ERCC5: variants seen among roughly 807,000 people sequenced by gnomAD.
ERCC5 encodes the protein ERCC excision repair 5, endonuclease.
In ERCC5, 68 loss-of-function variants were observed where a neutral mutation model predicts 105.6. That is an observed-to-expected ratio of 0.64 (90% CI 0.53 to 0.79). The LOEUF (loss-of-function observed/expected upper bound fraction) is 0.79. Ranked by LOEUF, ERCC5 falls within the 30% of genes least tolerant of loss-of-function variation. The probability of loss-of-function intolerance (pLI) is 0.00; values close to 1 mark genes in which losing one functional copy is unlikely to be tolerated. For synonymous variants in ERCC5, 546 were observed against 526.2 expected, an observed-to-expected ratio of 1.04 and a Z score of -0.51; for missense variants, 1,373 against 1,426.7, an observed-to-expected ratio of 0.96 and a Z score of 0.61.
At chr13:102,867,634 G>T (rs1050213833) in intron 11 of ERCC5, among the ~76,000 whole-genome samples, 1 of 152,210 alleles carries the variant, frequency 6.6e-6, no homozygotes, top group African/African-American at 2.4e-5. Flanking sequence ...TGGTGTGCTA[G>T]GGTATGCAGG....
intron 7 of ERCC5, 93 bp downstream of exon 7, chr13:102,861,807 A>C (rs904851178): frequency 6.8e-6 from 10 of 1,478,304 alleles, no homozygotes; most frequent in Non-Finnish European, 7.4e-6. Flanking sequence ...GGATAATATT[A>C]ATGAAATTCT....
At chr13:102,854,498 T>A in intron 4 of ERCC5, 124 bp downstream of exon 4, 2 of 916,060 alleles carry the variant, frequency 2.2e-6, no homozygotes, top group Middle Eastern at 2.9e-4. Flanking sequence ...GAAATAGGCA[T>A]GCTCTATACC....
chr13:102,857,155 T>A (rs2140522066), intron 5 of ERCC5, among the ~76,000 whole-genome samples: 1 of 152,372 alleles, frequency 6.6e-6, no homozygotes, highest in Non-Finnish European at 1.5e-5. Flanking sequence ...TGTTTGTTCA[T>A]ATGGTTTTGT....
At chr13:102,855,412 G>A (rs1190229410) in intron 4 of ERCC5, among the ~76,000 whole-genome samples, 3 of 151,994 alleles carry the variant, frequency 2.0e-5, no homozygotes, top group Non-Finnish European at 4.4e-5. Context: ...ACCACACCTG[G>A]CTAATTTTTT....
chr13:102,866,215 C>G (rs1882830213), intron 9 of ERCC5, 47 bp from the exon 10 acceptor site: 1 of 1,607,404 alleles, frequency 6.2e-7, no homozygotes. Flanking sequence ...AAACAAAACT[C>G]ATTTGGATTA....
intron 11 of ERCC5, 106 bp from the exon 12 acceptor site, chr13:102,868,007 G>T: frequency 9.7e-7 from 1 of 1,035,188 alleles, no homozygotes; most frequent in Non-Finnish European, 1.4e-6. Context: ...TTTGGTGGTT[G>T]GATATAGATA....
chr13:102,861,861 A>T (rs41558017), intron 7 of ERCC5, 147 bp downstream of exon 7: 1 of 1,350,238 alleles, frequency 7.4e-7, no homozygotes, highest in African/African-American at 1.5e-5. Flanking sequence ...ATTAACTACT[A>T]TAGTGCCAAA....
intron 9 of ERCC5, 161 bp downstream of exon 9, chr13:102,866,072 C>A (rs1882823837): frequency 6.7e-7 from 1 of 1,487,444 alleles, no homozygotes; most frequent in East Asian, 2.3e-5. Context: ...CTGGGATAGA[C>A]TCCGTTTTCC....
At chr13:102,863,301 T>G (rs1882717224) in intron 8 of ERCC5, among the ~76,000 whole-genome samples, 198 bp downstream of exon 8, 1 of 152,252 alleles carries the variant, frequency 6.6e-6, no homozygotes, top group East Asian at 1.9e-4. Context: ...CTCTGCTTTT[T>G]GTTATCATTT....
rs1187286901 is a variant in ERCC5, at chr13:102,862,345, A to T, written c.1196A>T (p.Glu399Val). 2.4e-5 allele frequency: 39 copies of T among 1,614,012 alleles called. No homozygotes were observed. The highest frequency in any genetic ancestry group is 3.1e-5 in the Non-Finnish European group (37 of 1,180,032). The change falls in exon 8 of 15, where the codon GAA becomes GTA. Residue 399 changes from glutamate to valine, a missense_variant. Glu to Val is a moderately radical substitution (Grantham distance 121, BLOSUM62 -2). Transcript: ENST00000652225. ...ATTAAGAGAGCTCTTGACGATGACG[A>T]AGATGTAAAAGTGTGTGCTGGGGAT... ...SAIKRALDDDEDVKVCAGDDV... is the reference protein window; with the variant it reads ...SAIKRALDDDVDVKVCAGDDV...
chr13:102,860,825 G>T (rs1231538043), intron 6 of ERCC5, among the ~76,000 whole-genome samples: 2 of 152,088 alleles, frequency 1.3e-5, no homozygotes, highest in African/African-American at 2.4e-5. Context: ...GTGATTTATT[G>T]TGTCTTTTAT....
chr13:102,858,303 T>C lies in ERCC5; in HGVS notation c.557T>C (p.Ile186Thr), dbSNP rs752360259. The C allele has an allele frequency of 1.9e-6, 3 of 1,614,158 alleles. No homozygotes were observed. Among genetic ancestry groups the C allele is most frequent in the African/African-American group, 1.3e-5 (1 of 75,038 alleles). Residue 186 changes from isoleucine (I) to threonine (T), a missense_variant, in exon 6 of 15, where the codon ATA becomes ACA. By Grantham distance (89) the Ile-to-Thr change is moderately conservative. Around this residue, in one of 3 missense-constraint regions of ERCC5, gnomAD observed 1,004 missense variants for 1,059.7 expected, o/e 0.95. Coordinates refer to ENST00000652225, the MANE Select transcript of ERCC5 (RefSeq NM_000123.4). The part of the protein sequence containing the change: ...QEEFFHNPQA[I>T]DIESEDFSSL... ...GAGTTCTTTCATAATCCTCAAGCGATAGATATTGAGTCTGAGGACTTCAGC... is the reference window on the plus strand; with the variant it reads ...GAGTTCTTTCATAATCCTCAAGCGACAGATATTGAGTCTGAGGACTTCAGC...
At chr13:102,875,179 G>C (rs1883169049) in intron 14 of ERCC5, 128 bp from the exon 15 acceptor site, 1 of 1,092,758 alleles carries the variant, frequency 9.2e-7, no homozygotes, top group Admixed American at 2.5e-5. Context: ...GGTTTTGGGA[G>C]ATAATGAATT....
At chr13:102,850,348 T>C (rs1464476417) in intron 1 of ERCC5, among the ~76,000 whole-genome samples, 1 of 152,118 alleles carries the variant, frequency 6.6e-6, no homozygotes, top group Non-Finnish European at 1.5e-5. Flanking sequence ...AGAAACTGTT[T>C]CAGGCAGAGG....
Position 102,856,068 on chromosome 13 carries a change from G to T in ERCC5, c.484G>T (p.Glu162Ter). 1 of 1,613,926 alleles carries T rather than the reference G, an allele frequency of 6.2e-7. No homozygotes were observed. Among genetic ancestry groups the T allele is most frequent in the Non-Finnish European group, 8.5e-7 (1 of 1,179,916 alleles). ...EEKHSSEEED[E>*]KEWQERMNQK... The stretch of plus-strand genomic sequence containing the variant: ...GACTTTCAGTTCAGAAGAGGAAGAT[G>T]AAAAAGAATGGCAAGAAAGAATGAA... The change falls in exon 5 of 15, where the codon GAA becomes TAA. Residue 162 changes from glutamate (E) to a stop codon, truncating the protein, a stop_gained. Transcript: ENST00000652225. LOFTEE classifies it high-confidence loss of function.
Position 102,866,361 on chromosome 13 carries a change from C to A in ERCC5, c.2299C>A (p.Gln767Lys). ...ACGGATCGCTGCTACTGTCACCGGA[C>A]AGATGTTCCTGGAAAGCCAGGTGGG... ...QERIAATVTG[Q>K]MFLESQELLR... Residue 767 changes from glutamine (Q) to lysine (K), a missense_variant, in exon 10 of 15, where the codon CAG (glutamine) becomes AAG (lysine). Around this residue, in one of 3 missense-constraint regions of ERCC5, gnomAD observed 1,004 missense variants for 1,059.7 expected, o/e 0.95. Coordinates refer to ENST00000652225, the MANE Select transcript of ERCC5 (RefSeq NM_000123.4). 1 of 1,614,176 alleles carries A rather than the reference C, an allele frequency of 6.2e-7. No individual in the cohort carries two copies. The highest frequency in any genetic ancestry group is 8.5e-7 in the Non-Finnish European group (1 of 1,179,990).
intron 14 of ERCC5, among the ~76,000 whole-genome samples, chr13:102,875,011 C>T (rs560545289): frequency 6.6e-6 from 1 of 152,228 alleles, no homozygotes; most frequent in African/African-American, 2.4e-5. Flanking sequence ...AAATGTTTAG[C>T]TACAGAAAAA....
chr13:102,875,778 A>G lies in ERCC5; in HGVS notation c.3436A>G (p.Ser1146Gly). 1.2e-6 allele frequency: 2 copies of G among 1,614,114 alleles called. No individual in the cohort carries two copies. The highest frequency in any genetic ancestry group is 1.7e-6 in the Non-Finnish European group (2 of 1,180,010). The change falls in exon 15 of 15, where the codon AGC (serine) becomes GGC (glycine). Residue 1146 changes from serine (S) to glycine (G), a missense_variant. Transcript: ENST00000652225. ...APVKNGGATTSSSSDSDDDGG... is the reference protein window; with the variant it reads ...APVKNGGATTGSSSDSDDDGG... The stretch of plus-strand genomic sequence containing the variant: ...CGTGAAGAATGGAGGTGCGACCACC[A>G]GCAGCTCTAGTGATAGTGATGACGA...
chr13:102,850,123 A>G (rs1015181953), intron 1 of ERCC5, among the ~76,000 whole-genome samples: 5 of 151,948 alleles, frequency 3.3e-5, no homozygotes, highest in African/African-American at 1.2e-4. Context: ...ACAGGATTTC[A>G]CCATTTTGGC....
Sources: gnomAD v4.1 joint callset for allele counts (sites outside exome capture counted in the v4.1 genomes callset) on GRCh38, gnomAD v4.1.1 for gene constraint, gnomAD v4.1.1 regional missense constraint, MANE v1.5 for transcripts, NCBI Gene and HGNC (gene_info 2026-07-23, HGNC 2026-07-21) for gene names.